COPG2: variants seen among roughly 807,000 people sequenced by gnomAD.
The protein encoded by COPG2 is coatomer subunit gamma-2.
Under a neutral mutation model 46.3 loss-of-function variants are expected in COPG2, and 37 were observed. That is an observed-to-expected ratio of 0.80 (90% CI 0.61 to 1.05). The LOEUF is 1.05. COPG2 is among the 50% of genes least tolerant of loss of function. COPG2 has a pLI of 0.00. For synonymous variants in COPG2, 159 were observed against 129.7 expected, an observed-to-expected ratio of 1.23 and a Z score of -1.53; for missense variants, 427 against 387.8, an observed-to-expected ratio of 1.10 and a Z score of -0.85.
chr7:130,665,242 T>C (rs1324661589), intron 3 of COPG2, among the ~76,000 whole-genome samples: 1 of 152,198 alleles, frequency 6.6e-6, no homozygotes, highest in Non-Finnish European at 1.5e-5. Flanking sequence ...GAAAACTTTA[T>C]TAAATCTCTG....
At chr7:130,550,738 T>G (rs1014102189) in intron 16 of COPG2, 89 bp from the exon 17 acceptor site, 6,599 of 382,888 alleles carry the variant, frequency 0.017, 79 homozygotes, top group Non-Finnish European at 0.023. Flanking sequence ...TATCTAAGCT[T>G]TCTGAAGGAA....
chr7:130,528,060 C>T (rs1799790440), intron 20 of COPG2, among the ~76,000 whole-genome samples: 1 of 151,702 alleles, frequency 6.6e-6, no homozygotes, highest in Non-Finnish European at 1.5e-5. Flanking sequence ...TTGAAGACAT[C>T]GGTGCTAAGG....
chr7:130,517,939 A>G (rs1799692472), intron 20 of COPG2, among the ~76,000 whole-genome samples: 1 of 152,154 alleles, frequency 6.6e-6, no homozygotes. Context: ...TGAAGATTGC[A>G]ATGAGTGGTG....
At chr7:130,530,279 T>C (rs1451718813) in intron 20 of COPG2, among the ~76,000 whole-genome samples, 6 of 151,886 alleles carry the variant, frequency 4.0e-5, no homozygotes, top group African/African-American at 1.5e-4. Flanking sequence ...TGGGGCTGCA[T>C]CTGAGGTAAA....
chr7:130,619,571 C>T (rs1795003421), intron 5 of COPG2, among the ~76,000 whole-genome samples: 1 of 152,172 alleles, frequency 6.6e-6, no homozygotes, highest in South Asian at 2.1e-4. Flanking sequence ...CATTTACATT[C>T]TATCTTTAAT....
Position 130,567,138 on chromosome 7 carries a change from C to A in COPG2, c.738-2745G>T. ...GGCCATTATCCTAAGCAAATTAACA[C>A]AGGGACAGAAAACCAAATACTGCAT... is the stretch of plus-strand genomic sequence containing the variant. On this transcript the variant is annotated intron_variant, in intron 9 of 23. Transcript: ENST00000425248. 1.3e-5 allele frequency among the ~76,000 whole-genome samples: 2 copies of A among 152,276 alleles called. 1 individual carries two copies. Among genetic ancestry groups the A allele is most frequent in the Middle Eastern group, 6.8e-3 (2 of 294 alleles).
chr7:130,623,132 T>C (rs1314983211), intron 5 of COPG2, among the ~76,000 whole-genome samples: 1 of 152,154 alleles, frequency 6.6e-6, no homozygotes, highest in Non-Finnish European at 1.5e-5. Flanking sequence ...CTCAGAAATA[T>C]ATAATCCTGA....
intron 12 of COPG2, among the ~76,000 whole-genome samples, chr7:130,556,032 T>C (rs1416015940): frequency 6.6e-6 from 1 of 152,072 alleles, no homozygotes; most frequent in Non-Finnish European, 1.5e-5. Flanking sequence ...TGTGAGCATT[T>C]TGGGGTGGGT....
At chr7:130,559,082 T>A (rs1452718307) in intron 12 of COPG2, among the ~76,000 whole-genome samples, 1 of 152,180 alleles carries the variant, frequency 6.6e-6, no homozygotes, top group African/African-American at 2.4e-5. Flanking sequence ...CACTTTTGCA[T>A]GTCCAAAGAC....
chr7:130,525,950 G>GAAATGAGTGACCTGGACAGCCT (rs1554442005), intron 20 of COPG2, among the ~76,000 whole-genome samples: 49,079 of 151,378 alleles, frequency 0.32, 8,813 homozygotes, highest in African/African-American at 0.47. Context: ...AGGGAAAGAA[G>GAAATGAGTGACCTGGACAGCCT]AAATGAGTGA....
rs1799475771 is a variant in COPG2, at chr7:130,506,256, G to A, written c.*420C>T. 1.3e-5 allele frequency: 2 copies of A among 152,006 alleles called. No individual in the cohort carries two copies. The highest frequency in any genetic ancestry group is 4.8e-5 in the African/African-American group (2 of 41,324). 9.4% of individuals were successfully genotyped at this position (152,006 alleles called of 1,614,324 possible). ...TAACAACTTTGAAACTGGAATAAGT[G>A]TTTATTTTCTATTAATAAAAATGAA... is the stretch of plus-strand genomic sequence containing the variant. On this transcript the variant is annotated 3_prime_UTR_variant, in exon 24 of 24. Coordinates refer to ENST00000425248, the MANE Select transcript of COPG2 (RefSeq NM_012133.6).
intron 9 of COPG2, among the ~76,000 whole-genome samples, chr7:130,596,094 C>T (rs1794522882): frequency 6.6e-6 from 1 of 152,136 alleles, no homozygotes; most frequent in South Asian, 2.1e-4. Context: ...GCCTCCTGGG[C>T]AAGAGGCTAA....
chr7:130,667,915 G>C (rs1175115336), intron 1 of COPG2, among the ~76,000 whole-genome samples: 1 of 152,182 alleles, frequency 6.6e-6, no homozygotes, highest in Non-Finnish European at 1.5e-5. Flanking sequence ...AGGCAGAAAC[G>C]AAGTTTCCCA....
chr7:130,526,896 G>A (rs1394668433), intron 20 of COPG2, among the ~76,000 whole-genome samples: 2 of 136,020 alleles, frequency 1.5e-5, no homozygotes, highest in Non-Finnish European at 3.1e-5. Context: ...GGGGTTGGGA[G>A]CAGTGGGATT....
At chr7:130,605,427 T>C (rs1317193630) in intron 9 of COPG2, among the ~76,000 whole-genome samples, 2 of 152,230 alleles carry the variant, frequency 1.3e-5, no homozygotes, top group Non-Finnish European at 2.9e-5. Flanking sequence ...AGGTGCAATC[T>C]AATCACATGA....
chr7:130,579,782 CA>C (rs1794096351), intron 9 of COPG2, among the ~76,000 whole-genome samples: 1 of 151,950 alleles, frequency 6.6e-6, no homozygotes, highest in Non-Finnish European at 1.5e-5. Context: ...ATCAATTCAA[CA>C]AGAAGAGCTA....
At chr7:130,570,036 G>A (rs992868084) in intron 9 of COPG2, among the ~76,000 whole-genome samples, 2 of 152,074 alleles carry the variant, frequency 1.3e-5, no homozygotes, top group African/African-American at 2.4e-5. Flanking sequence ...CAGCAAAATC[G>A]GCACAGAGGG....
intron 11 of COPG2, among the ~76,000 whole-genome samples, chr7:130,562,153 G>C (rs976453853): frequency 1.4e-4 from 22 of 152,192 alleles, no homozygotes; most frequent in Middle Eastern, 3.2e-3. Flanking sequence ...GAGGTCACGA[G>C]TTTGAGAGCA....
chr7:130,623,149 G>A (rs1795065384), intron 5 of COPG2, among the ~76,000 whole-genome samples: 1 of 152,080 alleles, frequency 6.6e-6, no homozygotes, highest in Non-Finnish European at 1.5e-5. Context: ...CTGAAGTGTG[G>A]GGTATTTCTG....
Sources: allele counts gnomAD v4.1 joint callset (sites outside exome capture counted in the v4.1 genomes callset), GRCh38; gene constraint gnomAD v4.1.1; transcripts MANE v1.5; gene names NCBI Gene and HGNC (gene_info 2026-07-23, HGNC 2026-07-21).